Variants in SNU13 observed in about 807,000 individuals in gnomAD.
SNU13 encodes the protein NHP2-like protein 1.
In SNU13, 2 loss-of-function variants were observed where a neutral mutation model predicts 12.4. The observed-to-expected ratio is 0.16, with a 90% CI of 0.07 to 0.51. The LOEUF is 0.51. SNU13 is among the 20% of genes least tolerant of loss of function. SNU13 has a pLI of 0.96. For missense variants in SNU13, 66 were observed against 157.8 expected, an observed-to-expected ratio of 0.42 and a Z score of 3.12; for synonymous variants, 68 against 66.5, an observed-to-expected ratio of 1.02 and a Z score of -0.11.
At chr22:41,682,642 G>A in intron 1 of SNU13, 4 of 1,193,718 alleles carry the variant, frequency 3.4e-6, no homozygotes, top group Non-Finnish European at 4.5e-6. Flanking sequence ...GGGGTTGGGG[G>A]AGGTCAAGGG....
At position 41,688,810 on chromosome 22, in the gene SNU13, C is replaced by G. The variant is rs1446354526; in HGVS notation, c.-14G>C. The G allele has an allele frequency of 3.1e-6, 5 of 1,600,804 alleles. No homozygotes were observed. Among genetic ancestry groups the G allele is most frequent in the Admixed American group, 1.7e-5 (1 of 59,796 alleles). On this transcript the variant is annotated 5_prime_UTR_variant, in exon 1 of 3. Coordinates refer to ENST00000401959, the MANE Select transcript of SNU13 (RefSeq NM_001003796.2). ...CGCACTCACCATGGCTGCGGTTCCG[C>G]GGGCTCAGCACTCCTAGGGGAGCGC...
chr22:41,684,473 C>A (rs1385156115), intron 1 of SNU13, among the ~76,000 whole-genome samples: 1 of 152,184 alleles, frequency 6.6e-6, no homozygotes, highest in African/African-American at 2.4e-5. Flanking sequence ...TTCTTCCCCC[C>A]TCTGCCCTTG....
intron 1 of SNU13, chr22:41,682,507 C>A (rs2068273664): frequency 1.3e-6 from 2 of 1,547,454 alleles, no homozygotes; most frequent in South Asian, 1.2e-5. Context: ...AAGTGACGTC[C>A]AGGGCCAGCC....
At chr22:41,685,154 CAA>C (rs71184830) in intron 1 of SNU13, among the ~76,000 whole-genome samples, 5 of 117,960 alleles carry the variant, frequency 4.2e-5, no homozygotes, top group Admixed American at 9.3e-5. Context: ...AACTCCATCT[CAA>C]AAAAAAAAAA....
rs2075498730 is a variant in SNU13 at position 41,680,230 on chromosome 22, T to C, written c.124+14A>G. ...CCTTTAACATTCCCCCAGAGCATCC[T>C]GTGGCTGCCTTACCCTCATTGGCTC... On this transcript the variant is annotated intron_variant, in intron 2 of 2. Transcript: ENST00000401959. The C allele has an allele frequency of 1.9e-6, 3 of 1,607,788 alleles. No individual in the cohort carries two copies. Among genetic ancestry groups the C allele is most frequent in the African/African-American group, 1.3e-5 (1 of 74,718 alleles).
intron 1 of SNU13, chr22:41,688,347 G>T (rs1379847699): frequency 1.3e-5 from 2 of 156,560 alleles, no homozygotes; most frequent in Non-Finnish European, 2.8e-5. Context: ...AGCAACGGGG[G>T]TGGGGTGAGG....
Position 41,675,155 on chromosome 22 carries a change from C to T in SNU13, c.165G>A (p.Val55=), listed in dbSNP as rs2068201216. The T allele has an allele frequency of 6.2e-7, 1 of 1,614,058 alleles. No individual in the cohort carries two copies. The highest frequency in any genetic ancestry group is 8.5e-7 in the Non-Finnish European group (1 of 1,180,036). ...CCAGTGGCTCGGCGTCTGCAGCCAT[C>T]ACGATGAACTCAGAGATGCCCCTGT... is the stretch of plus-strand genomic sequence containing the variant. The part of the protein sequence containing the change: ...TLNRGISEFI[V]MAADAEPLEI... Residue 55 remains valine (V), a synonymous_variant, in exon 3 of 3, where the codon GTG becomes GTA. Transcript: ENST00000401959.
chr22:41,685,988 T>A (rs1361406824), intron 1 of SNU13, among the ~76,000 whole-genome samples: 2 of 150,068 alleles, frequency 1.3e-5, no homozygotes, highest in African/African-American at 4.9e-5. Context: ...AAAAAAAAAA[T>A]TTGTAGAGAC....
At chr22:41,688,947 C>A, upstream of SNU13, 1 of 1,384,546 alleles carries the variant, frequency 7.2e-7, no homozygotes, top group Non-Finnish European at 9.4e-7. Context: ...GAGTGGGCCC[C>A]GCCCTCTACG....
upstream of SNU13, chr22:41,688,990 A>G (rs1035304198): frequency 7.5e-7 from 1 of 1,324,886 alleles, no homozygotes; most frequent in South Asian, 2.0e-5. Flanking sequence ...CCCTGTGTCG[A>G]AGAAGGAACG....
chr22:41,682,788 A>G (rs75918348), intron 1 of SNU13, among the ~76,000 whole-genome samples: 2,617 of 152,134 alleles, frequency 0.017, 74 homozygotes, highest in African/African-American at 0.059. Flanking sequence ...ACCTAGGATT[A>G]CAGGTGACCG....
At chr22:41,675,812 G>A (rs1234360137) in intron 2 of SNU13, among the ~76,000 whole-genome samples, 4 of 147,502 alleles carry the variant, frequency 2.7e-5, no homozygotes, top group African/African-American at 7.5e-5. Flanking sequence ...GTGCAATGGC[G>A]CAATCTTGGC....
chr22:41,674,862 C>T lies in SNU13; in HGVS notation c.*71G>A. The T allele has an allele frequency of 6.4e-7, 1 of 1,559,286 alleles. No homozygotes were observed. The highest frequency in any genetic ancestry group is 1.2e-5 in the South Asian group (1 of 84,620). On this transcript the variant is annotated 3_prime_UTR_variant, in exon 3 of 3. Transcript: ENST00000401959. ...AGAGAGTAGCTGAAAATACTACATG[C>T]TAACACAGATAATATGATACACAAC...
intron 2 of SNU13, 90 bp from the exon 3 acceptor site, chr22:41,675,285 A>C (rs1323329907): frequency 6.7e-7 from 1 of 1,493,792 alleles, no homozygotes; most frequent in Non-Finnish European, 9.1e-7. Flanking sequence ...GGCACACACA[A>C]TTATGTGTCC....
At chr22:41,687,878 A>G (rs1411692401) in intron 1 of SNU13, 1 of 152,246 alleles carries the variant, frequency 6.6e-6, no homozygotes, top group Non-Finnish European at 1.5e-5. Context: ...GAGCTGCGTT[A>G]AAGCGAGCAC....
intron 2 of SNU13, chr22:41,679,655 A>ATAAT (rs1163611374): frequency 6.8e-6 from 1 of 147,046 alleles, no homozygotes; most frequent in Non-Finnish European, 1.5e-5. Flanking sequence ...TCATGCATAC[A>ATAAT]TAATTATTCT....
chr22:41,674,922 A>C lies in SNU13; in HGVS notation c.*11T>G. The C allele has an allele frequency of 6.2e-7, 1 of 1,606,486 alleles. No homozygotes were observed. Among genetic ancestry groups the C allele is most frequent in the South Asian group, 1.1e-5 (1 of 90,946 alleles). ...GAAGCTGGCAGGGAGCACGTGGCAG[A>C]GGCCACAGGTTTAGACTAAGAGCCT... On this transcript the variant is annotated 3_prime_UTR_variant, in exon 3 of 3. Transcript: ENST00000401959.
chr22:41,686,428 C>T (rs2068310677), intron 1 of SNU13, among the ~76,000 whole-genome samples: 1 of 151,662 alleles, frequency 6.6e-6, no homozygotes, highest in Non-Finnish European at 1.5e-5. Flanking sequence ...CCTCAGCCTC[C>T]CGAGTAACTG....
intron 1 of SNU13, among the ~76,000 whole-genome samples, chr22:41,684,722 AT>A (rs1158125495): frequency 6.6e-6 from 1 of 152,230 alleles, no homozygotes; most frequent in African/African-American, 2.4e-5. Flanking sequence ...TGAAGAGTGT[AT>A]TCTGAACTGG....
Sources: allele counts gnomAD v4.1 joint callset (sites outside exome capture counted in the v4.1 genomes callset), GRCh38; gene constraint gnomAD v4.1.1; transcripts MANE v1.5; gene names NCBI Gene and HGNC (gene_info 2026-07-23, HGNC 2026-07-21).